NDUFB9: variants seen among roughly 807,000 people sequenced by gnomAD.
NDUFB9 encodes NADH:ubiquinone oxidoreductase subunit B9, also known as NADH dehydrogenase [ubiquinone] 1 beta subcomplex subunit 9.
NDUFB9 carries 24 observed loss-of-function variants against 30.2 expected under a neutral mutation model. The ratio of observed to expected loss-of-function variants is 0.80; its 90% confidence interval spans 0.58 to 1.12. The LOEUF is 1.12. Among genes scored for constraint, NDUFB9 ranks in the 50% most tolerant of loss-of-function variants. NDUFB9 has a pLI of 0.00. For missense variants in NDUFB9, 204 were observed against 226.0 expected (o/e 0.90, Z 0.62); for synonymous variants, 80 against 84.0 (o/e 0.95, Z 0.26).
intron 1 of NDUFB9, among the ~76,000 whole-genome samples, chr8:124,542,453 T>C (rs1822035369): frequency 6.6e-6 from 1 of 152,172 alleles, no homozygotes; most frequent in Admixed American, 6.5e-5. Flanking sequence ...AACTTGGAAG[T>C]CTCAATGTCT....
Position 124,543,074 on chromosome 8 carries a change from A to AT in NDUFB9, c.102-9dup, listed in dbSNP as rs896458603. ...GGTAACATTTCTAATCTTCAAAATC[A>AT]TTTTGGTTTAAGAGACAAATACCGA... On this transcript the variant is annotated splice_polypyrimidine_tract_variant and intron_variant, in intron 1 of 3. Transcript: ENST00000276689. 1 of 1,613,264 alleles carries AT rather than the reference A, an allele frequency of 6.2e-7. No homozygotes were observed.
In NDUFB9 at chr8:124,542,846, A is replaced by C. The variant is rs12550827; in HGVS notation, c.102-241A>C. The C allele has an allele frequency of 0.17, 44,004 of 263,958 alleles. 4,548 individuals carry two copies. The highest frequency in any genetic ancestry group is 0.31 in the Admixed American group (4,908 of 16,070). The allele number at this position is 263,958 out of a possible 1,614,324, so 16.4% of individuals were successfully genotyped here. On this transcript the variant is annotated intron_variant, in intron 1 of 3. Transcript: ENST00000276689. The stretch of plus-strand genomic sequence containing the variant: ...TTTTTTTTGTTTAAATCCTCATTCC[A>C]TTGTTGGATGTAAGAGGAGAAAAAT...
chr8:124,541,147 CAA>C (rs1452032795), intron 1 of NDUFB9, among the ~76,000 whole-genome samples: 1 of 152,014 alleles, frequency 6.6e-6, no homozygotes, highest in African/African-American at 2.4e-5. Context: ...GCCTGGGCGA[CAA>C]GAGTGAAACT....
At chr8:124,546,385 A>G (rs898107325) in intron 2 of NDUFB9, among the ~76,000 whole-genome samples, 3 of 152,244 alleles carry the variant, frequency 2.0e-5, no homozygotes, top group African/African-American at 7.2e-5. Context: ...ATGCTGTTGG[A>G]CACTTTATAG....
chr8:124,539,916 A>G (rs1251022829), intron 1 of NDUFB9, among the ~76,000 whole-genome samples: 1 of 152,100 alleles, frequency 6.6e-6, no homozygotes, highest in African/African-American at 2.4e-5. Flanking sequence ...CTCTTACATA[A>G]TTCTCTTTCG....
intron 1 of NDUFB9, among the ~76,000 whole-genome samples, chr8:124,541,953 C>T (rs559726811): frequency 7.1e-6 from 1 of 141,452 alleles, no homozygotes; most frequent in African/African-American, 2.7e-5. Context: ...TCGCTCTTGT[C>T]CCCCAGGCTG....
Sources: gnomAD v4.1 joint callset for allele counts (sites outside exome capture counted in the v4.1 genomes callset) on GRCh38, gnomAD v4.1.1 for gene constraint, MANE v1.5 for transcripts, NCBI Gene and HGNC (gene_info 2026-07-23, HGNC 2026-07-21) for gene names.